RFTN2: variants seen among roughly 807,000 people sequenced by gnomAD.
RFTN2 encodes the protein raftlin family member 2, also known as raftlin-2.
Under a neutral mutation model 52.7 loss-of-function variants are expected in RFTN2, and 34 were observed. The observed-to-expected ratio is 0.64, with a 90% CI of 0.49 to 0.86. RFTN2 has a LOEUF of 0.86. Ranked by LOEUF, RFTN2 falls within the 40% of genes least tolerant of loss-of-function variation. The pLI is 0.00. For synonymous variants in RFTN2, 203 were observed against 217.7 expected, an observed-to-expected ratio of 0.93 and a Z score of 0.59; for missense variants, 536 against 600.1, an observed-to-expected ratio of 0.89 and a Z score of 1.12.
intron 5 of RFTN2, among the ~76,000 whole-genome samples, chr2:197,624,907 T>A (rs961536698): frequency 2.6e-5 from 4 of 151,364 alleles, no homozygotes; most frequent in Non-Finnish European, 5.9e-5. Flanking sequence ...TGAGATCACA[T>A]CACTGTGCTC....
chr2:197,631,147 G>A lies in RFTN2; in HGVS notation c.792C>T (p.Gly264=). The A allele has an allele frequency of 6.2e-7, 1 of 1,613,392 alleles. No individual in the cohort carries two copies. The highest frequency in any genetic ancestry group is 8.5e-7 in the Non-Finnish European group (1 of 1,179,498). Reference sequence around the variant, plus strand: ...TTCTTGTTACTTTCATTGACAGGATGCCTTCCTGATAGGCCCAGGAGGTTG... The same window carrying A: ...TTCTTGTTACTTTCATTGACAGGATACCTTCCTGATAGGCCCAGGAGGTTG... ...DDSTSWAYQE[G]ILSMKVTRKG... The change falls in exon 5 of 9, where the codon GGC becomes GGT. Residue 264 remains glycine (G), a synonymous_variant. Coordinates refer to ENST00000295049, the MANE Select transcript of RFTN2 (RefSeq NM_144629.3).
At chr2:197,623,803 A>C (rs1197762110) in intron 5 of RFTN2, among the ~76,000 whole-genome samples, 1 of 152,186 alleles carries the variant, frequency 6.6e-6, no homozygotes, top group Non-Finnish European at 1.5e-5. Context: ...AGTAGCTGGA[A>C]TTACAGGCGT....
At chr2:197,599,024 T>C (rs1414970455) in intron 7 of RFTN2, among the ~76,000 whole-genome samples, 1 of 151,796 alleles carries the variant, frequency 6.6e-6, no homozygotes, top group Non-Finnish European at 1.5e-5. Context: ...CGACCTCGGC[T>C]CACTGCAAGC....
At position 197,655,658 on chromosome 2, in the gene RFTN2, T is replaced by C. The variant is rs550349905; in HGVS notation, c.140-8992A>G. ...GGCCAACATGGTGAAACCCTGTCTC[T>C]ACTAAAAATACAAAAATTAGCCAGG... is the stretch of plus-strand genomic sequence containing the variant. On this transcript the variant is annotated intron_variant, in intron 1 of 8. Coordinates refer to ENST00000295049, the MANE Select transcript of RFTN2 (RefSeq NM_144629.3). Among the ~76,000 whole-genome samples the C allele has an allele frequency of 1.3e-3, 201 of 152,198 alleles. 1 individual carries two copies. Among genetic ancestry groups the C allele is most frequent in the African/African-American group, 4.5e-3 (187 of 41,514 alleles).
chr2:197,672,344 C>A (rs892952525), intron 1 of RFTN2, among the ~76,000 whole-genome samples: 9 of 152,110 alleles, frequency 5.9e-5, no homozygotes, highest in Admixed American at 1.3e-4. Flanking sequence ...TGTAGTTGCA[C>A]AAACTAATAA....
intron 1 of RFTN2, among the ~76,000 whole-genome samples, chr2:197,663,010 T>A (rs1230440641): frequency 6.6e-6 from 1 of 152,186 alleles, no homozygotes; most frequent in Non-Finnish European, 1.5e-5. Context: ...TTGTAGTATG[T>A]TCCTTCTATG....
chr2:197,655,123 C>T (rs1574746201), intron 1 of RFTN2, among the ~76,000 whole-genome samples: 3 of 152,082 alleles, frequency 2.0e-5, no homozygotes, highest in Admixed American at 2.0e-4. Flanking sequence ...GAAGTCATCC[C>T]CCTTTCATTC....
intron 1 of RFTN2, among the ~76,000 whole-genome samples, chr2:197,674,080 C>T (rs999052331): frequency 6.6e-6 from 1 of 152,022 alleles, no homozygotes; most frequent in African/African-American, 2.4e-5. Context: ...TTGGTTACTT[C>T]TCTGATAATT....
intron 1 of RFTN2, among the ~76,000 whole-genome samples, chr2:197,667,825 A>G (rs915942674): frequency 6.6e-6 from 1 of 152,176 alleles, no homozygotes; most frequent in Non-Finnish European, 1.5e-5. Flanking sequence ...CAGTGGTGGC[A>G]GCAGTGGGTT....
At chr2:197,613,977 T>C (rs1209068325) in intron 7 of RFTN2, among the ~76,000 whole-genome samples, 1 of 152,250 alleles carries the variant, frequency 6.6e-6, no homozygotes, top group Non-Finnish European at 1.5e-5. Flanking sequence ...CTAATCTCTT[T>C]AGTATTTGAT....
At chr2:197,652,585 T>C (rs1005522190) in intron 1 of RFTN2, among the ~76,000 whole-genome samples, 22 of 152,210 alleles carry the variant, frequency 1.4e-4, no homozygotes, top group African/African-American at 5.3e-4. Context: ...GCTTTTGCCA[T>C]GGGTAAAAAC....
chr2:197,631,154 T>G lies in RFTN2; in HGVS notation c.785A>C (p.Gln262Pro), dbSNP rs1388770296. Residue 262 changes from glutamine to proline, a missense_variant, in exon 5 of 9, where the codon CAG becomes CCG. By Grantham distance (76) the Gln-to-Pro change is moderately conservative. Transcript: ENST00000295049. ...TACTTTCATTGACAGGATGCCTTCC[T>G]GATAGGCCCAGGAGGTTGAATCATC... ...FDDDSTSWAY[Q>P]EGILSMKVTR... is the part of the protein sequence containing the mutation. 3.1e-6 allele frequency: 5 copies of G among 1,613,642 alleles called. No individual in the cohort carries two copies. The highest frequency in any genetic ancestry group is 8.5e-7 in the Non-Finnish European group (1 of 1,179,786).
intron 1 of RFTN2, among the ~76,000 whole-genome samples, chr2:197,670,356 G>A (rs1026648120): frequency 2.6e-5 from 4 of 152,094 alleles, no homozygotes; most frequent in African/African-American, 7.2e-5. Flanking sequence ...GAACATTCTT[G>A]TAGTGCCTCA....
chr2:197,662,596 G>C (rs536757495), intron 1 of RFTN2, among the ~76,000 whole-genome samples: 1 of 151,428 alleles, frequency 6.6e-6, no homozygotes, highest in Non-Finnish European at 1.5e-5. Flanking sequence ...ACTCTTTTGT[G>C]GTTCCATAAA....
At chr2:197,661,632 C>A (rs907865165) in intron 1 of RFTN2, among the ~76,000 whole-genome samples, 1 of 152,110 alleles carries the variant, frequency 6.6e-6, no homozygotes, top group African/African-American at 2.4e-5. Flanking sequence ...ATACTGATTT[C>A]TTTTCCTTTG....
intron 8 of RFTN2, among the ~76,000 whole-genome samples, chr2:197,590,141 G>A (rs570974054): frequency 6.6e-6 from 1 of 151,848 alleles, no homozygotes; most frequent in South Asian, 2.1e-4. Context: ...CTGGATTCAA[G>A]TGATCCTCCT....
At chr2:197,583,797 G>C (rs1269366082) in intron 8 of RFTN2, among the ~76,000 whole-genome samples, 1 of 151,850 alleles carries the variant, frequency 6.6e-6, no homozygotes, top group Non-Finnish European at 1.5e-5. Context: ...CCCACGACAG[G>C]CCCCGGTGTG....
intron 1 of RFTN2, among the ~76,000 whole-genome samples, chr2:197,652,236 T>C (rs1385503719): frequency 1.3e-5 from 2 of 152,222 alleles, no homozygotes; most frequent in African/African-American, 2.4e-5. Context: ...AAGAAAAGAA[T>C]ATGAGTCCTG....
chr2:197,618,692 C>T (rs1373829505), intron 5 of RFTN2, among the ~76,000 whole-genome samples: 25 of 151,628 alleles, frequency 1.6e-4, no homozygotes, highest in Middle Eastern at 3.4e-3. Context: ...AGCGTCTCTG[C>T]CCGGCCGCCC....
Sources: gnomAD v4.1 joint callset for allele counts (sites outside exome capture counted in the v4.1 genomes callset) on GRCh38, gnomAD v4.1.1 for gene constraint, MANE v1.5 for transcripts, NCBI Gene and HGNC (gene_info 2026-07-23, HGNC 2026-07-21) for gene names.